Variants in TVP23B observed in about 807,000 individuals in gnomAD.
TVP23B encodes Golgi apparatus membrane protein TVP23 homolog B.
Under a neutral mutation model 30.6 loss-of-function variants are expected in TVP23B, and 10 were observed. The ratio of observed to expected loss-of-function variants is 0.33; its 90% CI spans 0.20 to 0.55. TVP23B has a LOEUF of 0.55. Ranked by LOEUF, TVP23B falls within the 20% of genes least tolerant of loss-of-function variation. The probability of loss-of-function intolerance (pLI) is 0.91; values close to 1 mark genes in which losing one functional copy is unlikely to be tolerated. For synonymous variants in TVP23B, 67 were observed against 83.1 expected (o/e 0.81, Z 1.06); for missense variants, 153 against 243.2 (o/e 0.63, Z 2.47).
chr17:18,793,608 A>AT (rs1166776989), intron 3 of TVP23B, among the ~76,000 whole-genome samples: 5 of 151,894 alleles, frequency 3.3e-5, no homozygotes, highest in South Asian at 2.1e-4. Flanking sequence ...AAAAAAAAAA[A>AT]AAAATAATGG....
At chr17:18,805,174 C>T (rs1294378067) in intron 6 of TVP23B, among the ~76,000 whole-genome samples, 2 of 150,734 alleles carry the variant, frequency 1.3e-5, no homozygotes, top group African/African-American at 4.9e-5. Flanking sequence ...CTGCAAGCTC[C>T]GCCTCCCGGG....
chr17:18,805,825 G>T lies in TVP23B; in HGVS notation c.*258G>T. ...GTGGTGTAGGTATGCACATTCCATA[G>T]GTATGCACACGGCCATGTAATATCA... On this transcript the variant is annotated 3_prime_UTR_variant, in exon 7 of 7. Coordinates refer to ENST00000307767, the MANE Select transcript of TVP23B (RefSeq NM_016078.6). The T allele has an allele frequency of 7.6e-7, 1 of 1,310,748 alleles. No individual in the cohort carries two copies. Among genetic ancestry groups the T allele is most frequent in the South Asian group, 2.3e-5 (1 of 44,358 alleles). 81.2% of individuals were successfully genotyped at this position (1,310,748 alleles called of 1,614,324 possible).
At chr17:18,804,044 T>A (rs982188541) in intron 5 of TVP23B, 94 bp from the exon 6 acceptor site, 1 of 774,770 alleles carries the variant, frequency 1.3e-6, no homozygotes, top group African/African-American at 1.7e-5. Context: ...CTCTTCCTTC[T>A]CTTTCTCATG....
At chr17:18,804,306 AT>A in intron 6 of TVP23B, 40 bp downstream of exon 6, 2 of 1,574,138 alleles carry the variant, frequency 1.3e-6, no homozygotes, top group South Asian at 2.3e-5. Flanking sequence ...TAATGCAATT[AT>A]TTCTAACTTT....
At chr17:18,786,232 C>G (rs947881968) in intron 1 of TVP23B, among the ~76,000 whole-genome samples, 1 of 152,010 alleles carries the variant, frequency 6.6e-6, no homozygotes, top group African/African-American at 2.4e-5. Context: ...AACTTAATCT[C>G]ATCTGTGAAA....
chr17:18,790,141 T>C (rs1319453463), intron 2 of TVP23B, among the ~76,000 whole-genome samples: 2 of 152,094 alleles, frequency 1.3e-5, no homozygotes, highest in Non-Finnish European at 1.5e-5. Flanking sequence ...TTGTATGATA[T>C]GTGAATTATA....
chr17:18,805,373 G>A (rs1051254066), intron 6 of TVP23B, among the ~76,000 whole-genome samples, 168 bp from the exon 7 acceptor site: 8 of 151,992 alleles, frequency 5.3e-5, no homozygotes, highest in African/African-American at 2.4e-5. Context: ...TGTAAGCCAC[G>A]GCGCCCAGCC....
At chr17:18,804,544 T>C in intron 6 of TVP23B, 1 of 1,260,410 alleles carries the variant, frequency 7.9e-7, no homozygotes, top group African/African-American at 1.6e-5. Flanking sequence ...TTTCATCAAT[T>C]ATGGGAGCTT....
intron 4 of TVP23B, among the ~76,000 whole-genome samples, chr17:18,798,252 G>C (rs1030200633): frequency 3.9e-5 from 6 of 152,206 alleles, no homozygotes; most frequent in African/African-American, 1.2e-4. Context: ...TACACCAAGG[G>C]TATTGACAAG....
chr17:18,784,516 G>T (rs149110460), intron 1 of TVP23B, among the ~76,000 whole-genome samples: 2 of 152,340 alleles, frequency 1.3e-5, no homozygotes, highest in African/African-American at 4.8e-5. Flanking sequence ...GTGGTGGCAT[G>T]TGCCTGTGGT....
At chr17:18,784,636 C>T (rs1384598327) in intron 1 of TVP23B, among the ~76,000 whole-genome samples, 1 of 151,774 alleles carries the variant, frequency 6.6e-6, no homozygotes, top group Non-Finnish European at 1.5e-5. Context: ...GGCGACAGAG[C>T]GAGACTCCGT....
chr17:18,786,970 A>T (rs913745314), intron 1 of TVP23B, among the ~76,000 whole-genome samples: 3 of 149,108 alleles, frequency 2.0e-5, no homozygotes, highest in African/African-American at 7.5e-5. Context: ...TCCCATTTGC[A>T]CTTAGATTTC....
chr17:18,787,343 C>T (rs960703822), intron 1 of TVP23B, among the ~76,000 whole-genome samples: 145 of 144,916 alleles, frequency 1.0e-3, no homozygotes, highest in African/African-American at 3.6e-3. Flanking sequence ...GTGGAGGTTG[C>T]AGTAAGCTGA....
At chr17:18,793,747 G>T (rs1397003167) in intron 3 of TVP23B, among the ~76,000 whole-genome samples, 1 of 151,976 alleles carries the variant, frequency 6.6e-6, no homozygotes, top group Non-Finnish European at 1.5e-5. Flanking sequence ...AAATCAGAAA[G>T]TACATGTATA....
In TVP23B at chr17:18,790,356, T is replaced by C. The variant is rs2035971836; in HGVS notation, c.96-540T>C. ...GCAGGCGCCTGTAGTCCCAGCTACT[T>C]GGGAGGCTGAGGCAGGACAATGGCG... On this transcript the variant is annotated intron_variant, in intron 2 of 6. Transcript: ENST00000307767. Among the ~76,000 whole-genome samples, 6 of 149,404 alleles carry C rather than the reference T, an allele frequency of 4.0e-5. No homozygotes were observed. In the Admixed American group the frequency reaches 4.0e-4, roughly 10 times the overall value.
At chr17:18,783,398 G>T (rs1490579171) in intron 1 of TVP23B, among the ~76,000 whole-genome samples, 1 of 152,196 alleles carries the variant, frequency 6.6e-6, no homozygotes, top group African/African-American at 2.4e-5. Flanking sequence ...GAGCCGCCAG[G>T]CCCGGCCGAC....
intron 1 of TVP23B, among the ~76,000 whole-genome samples, chr17:18,785,124 C>G (rs12449907): frequency 0.21 from 32,449 of 151,720 alleles, 3,452 homozygotes; most frequent in East Asian, 0.53. Context: ...TTTTGTCCCT[C>G]CTTCTTCTCC....
rs375069393 is a variant in TVP23B at position 18,797,593 on chromosome 17, A to G, written c.255A>G (p.Arg85=). The change falls in exon 4 of 7, where the codon AGA becomes AGG. Residue 85 remains arginine (R), a synonymous_variant. Transcript: ENST00000307767. ...ATCTTCACCAGAATGTCACAGGTAG[A>G]CTAATGGTTGGCCTACGTTGGTGGA... is the stretch of plus-strand genomic sequence containing the variant. ...DFWAVKNVTG[R]LMVGLRWWNH... is the part of the protein sequence containing the mutation. The G allele has an allele frequency of 3.7e-6, 6 of 1,610,242 alleles. No individual in the cohort carries two copies. Among genetic ancestry groups the G allele is most frequent in the Admixed American group, 3.4e-5 (2 of 59,038 alleles).
intron 1 of TVP23B, among the ~76,000 whole-genome samples, chr17:18,787,568 A>G (rs1376377547): frequency 5.3e-5 from 8 of 152,260 alleles, no homozygotes; most frequent in Middle Eastern, 3.4e-3. Context: ...GTTTTCAGCT[A>G]TTTCAGTATT....
Sources: allele counts gnomAD v4.1 joint callset (sites outside exome capture counted in the v4.1 genomes callset), GRCh38; gene constraint gnomAD v4.1.1; transcripts MANE v1.5; gene names NCBI Gene and HGNC (gene_info 2026-07-23, HGNC 2026-07-21).